Variants in PHF3 observed in about 807,000 individuals in gnomAD.
PHF3 encodes PHD finger protein 3.
Under a neutral mutation model 178.4 loss-of-function variants are expected in PHF3, and 41 were observed. The observed-to-expected ratio is 0.23, with a 90% CI of 0.18 to 0.30. The LOEUF is 0.30. Ranked by LOEUF, PHF3 falls within the 10% of genes least tolerant of loss-of-function variation. PHF3 has a pLI of 1.00. For missense variants in PHF3, 2,346 were observed against 2,398.1 expected (o/e 0.98, Z 0.45); for synonymous variants, 842 against 800.5 (o/e 1.05, Z -0.88).
rs1467535149 is a variant in PHF3, at chr6:63,716,275, A to G, written c.*2567A>G. Among the ~76,000 whole-genome samples, 2 of 152,162 alleles carry G rather than the reference A, an allele frequency of 1.3e-5. No homozygotes were observed. The highest frequency in any genetic ancestry group is 2.9e-5 in the Non-Finnish European group (2 of 68,008). The stretch of plus-strand genomic sequence containing the variant: ...AGCTCAGTTCTTTTCTCTAAAGTCC[A>G]TGTGCTTAGCAATTGTGCTCTGAGA... On this transcript the variant is annotated 3_prime_UTR_variant, in exon 16 of 16. Coordinates refer to ENST00000262043, the MANE Select transcript of PHF3 (RefSeq NM_001370348.2).
intron 2 of PHF3, among the ~76,000 whole-genome samples, chr6:63,651,494 C>A (rs916038248): frequency 1.3e-5 from 2 of 151,934 alleles, no homozygotes; most frequent in African/African-American, 4.8e-5. Context: ...CCTGAGTAGC[C>A]GGGATTACAG....
intron 2 of PHF3, among the ~76,000 whole-genome samples, chr6:63,648,987 G>T (rs897437327): frequency 2.0e-4 from 31 of 151,846 alleles, no homozygotes; most frequent in African/African-American, 7.5e-4. Context: ...TCAGTAAAAG[G>T]CCCACACATT....
At chr6:63,673,079 C>T (rs6932538) in intron 2 of PHF3, among the ~76,000 whole-genome samples, 82,607 of 151,550 alleles carry the variant, frequency 0.55, 24,044 homozygotes, top group African/African-American at 0.76. Context: ...GTTTTTCCTT[C>T]AACACTGTCT....
chr6:63,699,743 G>A (rs564661039), intron 8 of PHF3, among the ~76,000 whole-genome samples: 17 of 151,852 alleles, frequency 1.1e-4, no homozygotes, highest in Non-Finnish European at 1.6e-4. Flanking sequence ...GGCACACGCC[G>A]CCACGCCCAG....
At chr6:63,695,732 A>C (rs1170472595) in intron 6 of PHF3, among the ~76,000 whole-genome samples, 1 of 152,162 alleles carries the variant, frequency 6.6e-6, no homozygotes, top group Non-Finnish European at 1.5e-5. Context: ...TGGAAATAGA[A>C]TGAAGGTAGT....
intron 2 of PHF3, among the ~76,000 whole-genome samples, chr6:63,648,399 A>G (rs1040980700): frequency 4.6e-5 from 7 of 152,286 alleles, no homozygotes; most frequent in Non-Finnish European, 1.5e-5. Context: ...TAATATTAAC[A>G]TGGTTGTTGC....
At chr6:63,687,171 C>T (rs1227062964) in intron 4 of PHF3, among the ~76,000 whole-genome samples, 2 of 152,138 alleles carry the variant, frequency 1.3e-5, no homozygotes, top group East Asian at 3.9e-4. Context: ...AATCCCAGCA[C>T]TTTGGGAGGC....
In PHF3 at chr6:63,647,755, A is replaced by AAT. The variant is rs1262174135; in HGVS notation, c.244+963_244+964dup. Among the ~76,000 whole-genome samples, 3 of 152,204 alleles carry AAT rather than the reference A, an allele frequency of 2.0e-5. No individual in the cohort carries two copies. The East Asian group carries it at 5.8e-4, about 29-fold the overall frequency. ...AGTTTTTCTTTTATAAAGCAGAGAA[A>AAT]ATATTACTGTAAACGTTGTGGCAAT... On this transcript the variant is annotated intron_variant, in intron 2 of 15. Transcript: ENST00000262043.
intron 2 of PHF3, among the ~76,000 whole-genome samples, chr6:63,666,041 T>A (rs966115020): frequency 1.3e-5 from 2 of 152,198 alleles, no homozygotes; most frequent in African/African-American, 4.8e-5. Flanking sequence ...CTTTTTAAAA[T>A]TTAGGTAGCA....
rs1768062108 is a variant in PHF3, at chr6:63,713,494, A to C, written c.5906A>C (p.Lys1969Thr). Reference protein sequence around the residue: ...RKSREEGHKDKERARLSHGDR... With the variant: ...RKSREEGHKDTERARLSHGDR... The stretch of plus-strand genomic sequence containing the variant: ...AGCAGGGAGGAAGGGCACAAAGATA[A>C]AGAGAGGGCACGGTTATCACATGGT... The change falls in exon 16 of 16, where the codon AAA (lysine) becomes ACA (threonine). Residue 1969 changes from lysine to threonine, a missense_variant. Physicochemically the swap from Lys to Thr is moderately conservative, Grantham distance 78. Around this residue, in one of 8 missense-constraint regions of PHF3, gnomAD observed 839 missense variants for 806.9 expected, o/e 1.04. Coordinates refer to ENST00000262043, the MANE Select transcript of PHF3 (RefSeq NM_001370348.2). 5 of 1,613,840 alleles carry C rather than the reference A, an allele frequency of 3.1e-6. No individual in the cohort carries two copies. Among genetic ancestry groups the C allele is most frequent in the Non-Finnish European group, 4.2e-6 (5 of 1,179,934 alleles).
intron 1 of PHF3, among the ~76,000 whole-genome samples, chr6:63,640,350 C>T (rs568809227): frequency 6.6e-6 from 1 of 152,138 alleles, no homozygotes; most frequent in South Asian, 2.1e-4. Context: ...TAGTGTAATG[C>T]AGAGTGGATC....
intron 3 of PHF3, 119 bp downstream of exon 3, chr6:63,680,280 G>T: frequency 1.2e-6 from 1 of 848,018 alleles, no homozygotes; most frequent in East Asian, 2.6e-5. Context: ...CATTCGTTTT[G>T]ATGGCAATCA....
Position 63,712,724 on chromosome 6 carries a change from G to C in PHF3, c.5136G>C (p.Gln1712His), listed in dbSNP as rs1428638588. 1 of 1,613,818 alleles carries C rather than the reference G, an allele frequency of 6.2e-7. No homozygotes were observed. Among genetic ancestry groups the C allele is most frequent in the Non-Finnish European group, 8.5e-7 (1 of 1,179,964 alleles). Residue 1712 changes from glutamine to histidine, a missense_variant, in exon 16 of 16, where the codon CAG (glutamine) becomes CAC (histidine). Gln to His is a conservative substitution (Grantham distance 24, BLOSUM62 0). Transcript: ENST00000262043. Reference sequence around the variant, plus strand: ...CAGAGAAAAACTCGTGTGTTCAGCAGAGTGACAATTTAAAAGTTGCACAAA... The same window carrying C: ...CAGAGAAAAACTCGTGTGTTCAGCACAGTGACAATTTAAAAGTTGCACAAA... The part of the protein sequence containing the change: ...CSAEKNSCVQ[Q>H]SDNLKVAQNS...
chr6:63,684,178 A>G lies in PHF3; in HGVS notation c.456A>G (p.Ala152=), dbSNP rs766758926. Residue 152 remains alanine (A), a synonymous_variant, in exon 4 of 16, where the codon GCA becomes GCG. Coordinates refer to ENST00000262043, the MANE Select transcript of PHF3 (RefSeq NM_001370348.2). ...GCACTATTGCCAAGCGTTCAAATGCAGCACCATTAAGTAACACAAAAAAAG... is the reference window on the plus strand; with the variant it reads ...GCACTATTGCCAAGCGTTCAAATGCGGCACCATTAAGTAACACAAAAAAAG... ...RQSTIAKRSN[A]APLSNTKKAS... 1.2e-6 allele frequency: 2 copies of G among 1,613,738 alleles called. No individual in the cohort carries two copies. The highest frequency in any genetic ancestry group is 1.1e-5 in the South Asian group (1 of 91,022).
At chr6:63,695,253 G>A (rs1047082373) in intron 6 of PHF3, among the ~76,000 whole-genome samples, 2 of 152,118 alleles carry the variant, frequency 1.3e-5, no homozygotes, top group African/African-American at 4.8e-5. Context: ...TGGCATTTGA[G>A]GAGCAAGAAA....
intron 6 of PHF3, among the ~76,000 whole-genome samples, chr6:63,696,438 A>G (rs539717258): frequency 3.3e-5 from 5 of 150,594 alleles, no homozygotes; most frequent in African/African-American, 7.3e-5. Context: ...TCTCGCCTCA[A>G]CCTCCTGAGT....
chr6:63,654,439 T>C (rs1057053258), intron 2 of PHF3, among the ~76,000 whole-genome samples: 3 of 152,200 alleles, frequency 2.0e-5, no homozygotes, highest in African/African-American at 7.2e-5. Flanking sequence ...AGAATAAAAA[T>C]TTCTGTAAGA....
chr6:63,657,638 G>T (rs1237993264), intron 2 of PHF3, among the ~76,000 whole-genome samples: 1 of 152,084 alleles, frequency 6.6e-6, no homozygotes. Context: ...AAGAACAGGG[G>T]CTAGTGGCTA....
chr6:63,677,670 A>G (rs1766229043), intron 2 of PHF3, among the ~76,000 whole-genome samples: 1 of 152,058 alleles, frequency 6.6e-6, no homozygotes, highest in South Asian at 2.1e-4. Context: ...TCCTGTTTAC[A>G]TTGTAGAATA....
Sources: allele counts gnomAD v4.1 joint callset (sites outside exome capture counted in the v4.1 genomes callset), GRCh38; gene constraint gnomAD v4.1.1; regional missense constraint gnomAD v4.1.1; transcripts MANE v1.5; gene names NCBI Gene and HGNC (gene_info 2026-07-23, HGNC 2026-07-21).